Variants in RBFOX1 observed in about 807,000 individuals in gnomAD.
The protein encoded by RBFOX1 is RNA binding fox-1 homolog 1.
In RBFOX1, 8 loss-of-function variants were observed where a neutral mutation model predicts 57.7. The ratio of observed to expected loss-of-function variants is 0.14; its 90% confidence interval spans 0.08 to 0.25. RBFOX1 has a LOEUF of 0.25. Ranked by LOEUF, RBFOX1 falls within the 10% of genes least tolerant of loss-of-function variation. The pLI is 1.00. For synonymous variants in RBFOX1, 326 were observed against 222.4 expected (o/e 1.47, Z -4.15); for missense variants, 611 against 548.5 (o/e 1.11, Z -1.14).
At chr16:7,314,009 C>T (rs191766103) in intron 4 of RBFOX1, among the ~76,000 whole-genome samples, 125 of 151,228 alleles carry the variant, frequency 8.3e-4, no homozygotes, top group Middle Eastern at 3.4e-3. Context: ...AGAGTTCAGG[C>T]GACCTGTCAA....
At chr16:6,672,410 G>C (rs550027250) in intron 3 of RBFOX1, among the ~76,000 whole-genome samples, 1 of 148,724 alleles carries the variant, frequency 6.7e-6, no homozygotes, top group South Asian at 2.1e-4. Flanking sequence ...AAGGAAGGAC[G>C]GATGGATGGA....
At chr16:6,927,438 A>AAAAAAC in intron 3 of RBFOX1, among the ~76,000 whole-genome samples, 1 of 150,404 alleles carries the variant, frequency 6.6e-6, no homozygotes. Flanking sequence ...AAAAAAAAAA[A>AAAAAAC]ATCCGAACGT....
chr16:7,614,926 T>G (rs1445569904), intron 10 of RBFOX1: 2 of 152,230 alleles, frequency 1.3e-5, no homozygotes, highest in Non-Finnish European at 2.9e-5. Context: ...ATAAAGGTCT[T>G]TTTTCCTAAG....
chr16:6,000,872 A>C (rs1388741291), intron 4 of RBFOX1, among the ~76,000 whole-genome samples: 2 of 84,552 alleles, frequency 2.4e-5, no homozygotes, highest in East Asian at 8.4e-4. Flanking sequence ...TGGGTGGATG[A>C]ATGGGTGGGT....
At chr16:7,699,339 G>C (rs1159818031) in intron 14 of RBFOX1, among the ~76,000 whole-genome samples, 1 of 152,106 alleles carries the variant, frequency 6.6e-6, no homozygotes, top group African/African-American at 2.4e-5. Flanking sequence ...GTACAGGCAG[G>C]TGCTACCACA....
At position 6,930,610 on chromosome 16, in the gene RBFOX1, A is replaced by G. The variant is rs147423436; in HGVS notation, c.-15-121447A>G. On this transcript the variant is annotated intron_variant, in intron 3 of 15. Transcript: ENST00000550418. ...CTTTTAGTAGAGATGGAGTTTTACC[A>G]TGTTGGCCAGGCTGGTCTTGAGCTC... is the stretch of plus-strand genomic sequence containing the variant. 9.1e-3 allele frequency among the ~76,000 whole-genome samples: 1,391 copies of G among 152,072 alleles called. 28 individuals are homozygous for G. The highest frequency in any genetic ancestry group is 0.032 in the African/African-American group (1,324 of 41,484).
At chr16:6,544,687 C>T (rs1438653335) in intron 2 of RBFOX1, among the ~76,000 whole-genome samples, 1 of 152,202 alleles carries the variant, frequency 6.6e-6, no homozygotes, top group African/African-American at 2.4e-5. Context: ...CCCATACTAA[C>T]TGTGGGACTC....
At chr16:6,607,389 A>G (rs9972850) in intron 2 of RBFOX1, among the ~76,000 whole-genome samples, 147,935 of 151,826 alleles carry the variant, frequency 0.97, 72,191 homozygotes, top group East Asian at 1. Context: ...TCCAGTTATC[A>G]TAAGCAGTTA....
At chr16:7,330,528 A>T (rs1489688806) in intron 4 of RBFOX1, among the ~76,000 whole-genome samples, 2 of 141,368 alleles carry the variant, frequency 1.4e-5, no homozygotes, top group African/African-American at 5.2e-5. Context: ...GTGTGTGTAG[A>T]GAGAGAGAGA....
At chr16:5,673,891 G>A (rs368517888) in intron 3 of RBFOX1, among the ~76,000 whole-genome samples, 20 of 152,336 alleles carry the variant, frequency 1.3e-4, no homozygotes, top group African/African-American at 4.3e-4. Context: ...TCAGCCTTCA[G>A]CTTTTCTCTT....
At chr16:6,865,430 G>C (rs775911428) in intron 3 of RBFOX1, among the ~76,000 whole-genome samples, 1 of 152,066 alleles carries the variant, frequency 6.6e-6, no homozygotes, top group Non-Finnish European at 1.5e-5. Flanking sequence ...TTTATCATTA[G>C]TGTGTGCCAT....
At chr16:6,835,188 A>C (rs1332557875) in intron 3 of RBFOX1, among the ~76,000 whole-genome samples, 2 of 152,080 alleles carry the variant, frequency 1.3e-5, no homozygotes, top group African/African-American at 2.4e-5. Flanking sequence ...GGCGTGAGCC[A>C]CCACGCCCGA....
chr16:5,306,191 C>A (rs183865051), intron 1 of RBFOX1, among the ~76,000 whole-genome samples: 42 of 152,248 alleles, frequency 2.8e-4, no homozygotes, highest in Admixed American at 9.2e-4. Flanking sequence ...CATAGCAAGA[C>A]CCTGTCTCCA....
At chr16:6,897,787 C>A (rs1232500051) in intron 3 of RBFOX1, among the ~76,000 whole-genome samples, 3 of 152,142 alleles carry the variant, frequency 2.0e-5, no homozygotes, top group Admixed American at 1.3e-4. Flanking sequence ...GAGCGAGATT[C>A]CGTCTCAAAA....
intron 2 of RBFOX1, among the ~76,000 whole-genome samples, chr16:5,584,409 C>T (rs1003144375): frequency 2.6e-5 from 4 of 152,208 alleles, no homozygotes. Flanking sequence ...CTGCATCTCC[C>T]AGCATTTTTG....
At chr16:6,958,401 C>A (rs928210445) in intron 3 of RBFOX1, among the ~76,000 whole-genome samples, 1 of 152,154 alleles carries the variant, frequency 6.6e-6, no homozygotes, top group Non-Finnish European at 1.5e-5. Flanking sequence ...TATTTCCCCC[C>A]CTTTTTATGA....
Position 6,402,885 on chromosome 16 carries a change from G to A in RBFOX1, c.-64+85828G>A, listed in dbSNP as rs565343614. On this transcript the variant is annotated intron_variant, in intron 2 of 15. Transcript: ENST00000550418. ...GTGTAACCGAGATGTAATTGTGATT[G>A]AAGCAGGGAATGAAATATAAACACT... is the stretch of plus-strand genomic sequence containing the variant. Among the ~76,000 whole-genome samples the A allele has an allele frequency of 1.3e-4, 20 of 152,290 alleles. 1 individual carries two copies. In the South Asian group the frequency reaches 3.7e-3, roughly 28 times the overall value.
intron 2 of RBFOX1, among the ~76,000 whole-genome samples, chr16:6,343,933 G>A (rs565247667): frequency 3.9e-4 from 60 of 152,274 alleles, no homozygotes; most frequent in African/African-American, 1.4e-3. Context: ...GTTTTCACGA[G>A]TCTCTGGCTG....
chr16:7,351,228 A>G (rs556975758), intron 4 of RBFOX1, among the ~76,000 whole-genome samples: 9 of 152,356 alleles, frequency 5.9e-5, no homozygotes, highest in African/African-American at 1.9e-4. Context: ...GTGATCTTGA[A>G]CAGGTTCTTT....
Sources: gnomAD v4.1 joint callset for allele counts (sites outside exome capture counted in the v4.1 genomes callset) on GRCh38, gnomAD v4.1.1 for gene constraint, MANE v1.5 for transcripts, NCBI Gene and HGNC (gene_info 2026-07-23, HGNC 2026-07-21) for gene names.